Variants in TLK1 observed in about 807,000 individuals in gnomAD.
The protein encoded by TLK1 is serine/threonine-protein kinase tousled-like 1.
A neutral mutation model predicts 105.3 loss-of-function variants in TLK1; 24 were observed. The observed-to-expected ratio is 0.23, with a 90% CI of 0.17 to 0.32. TLK1 has a LOEUF of 0.32. TLK1 is among the 10% of genes least tolerant of loss of function. The probability of loss-of-function intolerance (pLI) is 1.00; values close to 1 mark genes in which losing one functional copy is unlikely to be tolerated. For missense variants in TLK1, 558 were observed against 910.5 expected (o/e 0.61, Z 4.98); for synonymous variants, 321 against 310.4 (o/e 1.03, Z -0.36).
intron 1 of TLK1, among the ~76,000 whole-genome samples, chr2:171,213,518 A>T (rs1056731402): frequency 5.3e-5 from 8 of 150,636 alleles, no homozygotes; most frequent in African/African-American, 1.7e-4. Flanking sequence ...CTTTTTTTTA[A>T]AAAAAAAAAT....
intron 12 of TLK1, among the ~76,000 whole-genome samples, chr2:171,027,115 A>ATGT: frequency 6.6e-6 from 1 of 152,258 alleles, no homozygotes. Flanking sequence ...GCATATTAAT[A>ATGT]ACATTTCCAA....
intron 2 of TLK1, among the ~76,000 whole-genome samples, chr2:171,105,874 G>T (rs1380030266): frequency 6.6e-6 from 1 of 152,104 alleles, no homozygotes; most frequent in Admixed American, 6.5e-5. Flanking sequence ...CAAAGGAAAG[G>T]AAATCAGTAT....
intron 14 of TLK1, among the ~76,000 whole-genome samples, chr2:171,009,497 C>T (rs1008163029): frequency 7.9e-5 from 12 of 151,842 alleles, no homozygotes; most frequent in East Asian, 1.9e-4. Context: ...TTAGTAGAAA[C>T]GGGTTCGCCA....
chr2:171,052,242 C>G (rs1687276395), intron 8 of TLK1, among the ~76,000 whole-genome samples: 1 of 152,118 alleles, frequency 6.6e-6, no homozygotes, highest in Middle Eastern at 3.4e-3. Flanking sequence ...CTGGGCGACA[C>G]AGTGAGACCC....
At chr2:171,199,622 A>AGTG (rs1693360053) in intron 1 of TLK1, among the ~76,000 whole-genome samples, 1 of 152,158 alleles carries the variant, frequency 6.6e-6, no homozygotes, top group South Asian at 2.1e-4. Flanking sequence ...TCCCTCAGCC[A>AGTG]GTGGATCTTC....
At position 171,188,510 on chromosome 2, in the gene TLK1, T is replaced by A. The variant is rs200145487; in HGVS notation, c.-6+42635A>T. Among the ~76,000 whole-genome samples the A allele has an allele frequency of 1.4e-4, 22 of 152,062 alleles. No individual in the cohort carries two copies. In the East Asian group the frequency reaches 4.3e-3, roughly 29 times the overall value. Reference sequence around the variant, plus strand: ...CACAAGGTCAGGAGTTCGAGACAAGTCTGGCCAACATAGTGAAACCCTGTC... The same window carrying A: ...CACAAGGTCAGGAGTTCGAGACAAGACTGGCCAACATAGTGAAACCCTGTC... On this transcript the variant is annotated intron_variant, in intron 1 of 20. Transcript: ENST00000521943.
chr2:171,024,554 A>T (rs567044222), intron 12 of TLK1, among the ~76,000 whole-genome samples: 1 of 152,334 alleles, frequency 6.6e-6, no homozygotes, highest in East Asian at 1.9e-4. Flanking sequence ...TAGAGATGCA[A>T]GGAAAGCCAC....
At chr2:171,180,253 G>A (rs1048315075) in intron 1 of TLK1, among the ~76,000 whole-genome samples, 5 of 151,710 alleles carry the variant, frequency 3.3e-5, no homozygotes, top group East Asian at 1.9e-4. Flanking sequence ...GGGTCCCTGC[G>A]TCTCAATAGG....
intron 12 of TLK1, among the ~76,000 whole-genome samples, chr2:171,025,591 T>A (rs909601553): frequency 1.6e-4 from 25 of 152,306 alleles, no homozygotes; most frequent in Admixed American, 1.4e-3. Context: ...TGGTAGAAGC[T>A]GTATATTTAC....
At chr2:171,215,069 T>C (rs1451719389) in intron 1 of TLK1, among the ~76,000 whole-genome samples, 2 of 152,138 alleles carry the variant, frequency 1.3e-5, no homozygotes, top group South Asian at 2.1e-4. Context: ...GTCTCCCGAG[T>C]AGCTGGGACT....
chr2:171,084,633 A>G (rs1688892810), intron 2 of TLK1, among the ~76,000 whole-genome samples: 1 of 152,230 alleles, frequency 6.6e-6, no homozygotes, highest in Non-Finnish European at 1.5e-5. Context: ...GCAGGTCATA[A>G]AGGTATAAGA....
rs567660582 is a variant in TLK1 at position 171,226,961 on chromosome 2, A to G, written c.-6+4184T>C. 5.9e-5 allele frequency among the ~76,000 whole-genome samples: 9 copies of G among 152,320 alleles called. No homozygotes were observed. The South Asian group carries it at 1.7e-3, about 28-fold the overall frequency. On this transcript the variant is annotated intron_variant, in intron 1 of 20. Transcript: ENST00000521943. ...TTTTTTAAAATGGAATTAGAAAATAAATTTCAGTGGCTACCATGAGGTAGA... is the reference window on the plus strand; with the variant it reads ...TTTTTTAAAATGGAATTAGAAAATAGATTTCAGTGGCTACCATGAGGTAGA...
intron 12 of TLK1, among the ~76,000 whole-genome samples, chr2:171,018,224 A>G (rs1041598957): frequency 6.6e-6 from 1 of 152,202 alleles, no homozygotes; most frequent in Non-Finnish European, 1.5e-5. Context: ...ATGTTAGGAT[A>G]AAGTGAGAGG....
At chr2:171,006,712 T>C in intron 16 of TLK1, 69 bp from the exon 17 acceptor site, 1 of 1,595,160 alleles carries the variant, frequency 6.3e-7, no homozygotes, top group Non-Finnish European at 8.6e-7. Context: ...AATGGGGAAA[T>C]GGAGAGTATT....
At chr2:171,124,010 C>T (rs1304870405) in intron 1 of TLK1, among the ~76,000 whole-genome samples, 1 of 152,196 alleles carries the variant, frequency 6.6e-6, no homozygotes, top group East Asian at 1.9e-4. Context: ...AGTATGTCAT[C>T]ACAGTGCAGA....
At chr2:171,159,489 GAAAAC>G in intron 1 of TLK1, 1 of 152,314 alleles carries the variant, frequency 6.6e-6, no homozygotes, top group Non-Finnish European at 1.5e-5. Flanking sequence ...AGAAAACTTA[GAAAAC>G]AATTGTAACC....
At chr2:171,002,855 T>G (rs911900039) in intron 18 of TLK1, among the ~76,000 whole-genome samples, 1 of 151,204 alleles carries the variant, frequency 6.6e-6, no homozygotes, top group Non-Finnish European at 1.5e-5. Flanking sequence ...CAGGCTGATC[T>G]TCATCTCTCA....
At chr2:171,150,777 C>T (rs529358013) in intron 1 of TLK1, among the ~76,000 whole-genome samples, 1 of 152,332 alleles carries the variant, frequency 6.6e-6, no homozygotes, top group East Asian at 1.9e-4. Flanking sequence ...CATTCCATCA[C>T]CCTCCACATA....
In TLK1 at chr2:171,160,623, G is replaced by T; in HGVS notation, c.-195C>A. The stretch of plus-strand genomic sequence containing the variant: ...GGAGGAAAGAGGTGAGGGAAGGAGA[G>T]GGGACAGGGAGGAGGGAAAGGGGGA... On this transcript the variant is annotated 5_prime_UTR_variant, in exon 1 of 21. Coordinates refer to ENST00000431350, the MANE Select transcript of TLK1 (RefSeq NM_012290.5). This position sits in a 1 kb window ranked among gnomAD's most constrained non-coding sequence, Gnocchi z 4.4. 1 of 818,138 alleles carries T rather than the reference G, an allele frequency of 1.2e-6. No individual in the cohort carries two copies. Among genetic ancestry groups the T allele is most frequent in the African/African-American group, 1.8e-5 (1 of 54,936 alleles). The allele number at this position is 818,138 out of a possible 1,614,324, so 50.7% of individuals were successfully genotyped here. A position where few individuals can be genotyped will look rare whatever the true frequency, so the allele number is the denominator to read the frequency against.
Sources: gnomAD v4.1 joint callset for allele counts (sites outside exome capture counted in the v4.1 genomes callset) on GRCh38, gnomAD v4.1.1 for gene constraint, Gnocchi (gnomAD v3.1) non-coding constraint, MANE v1.5 for transcripts, NCBI Gene and HGNC (gene_info 2026-07-23, HGNC 2026-07-21) for gene names.